The following PRKCE variants were observed in gnomAD, a reference collection of about 807,000 sequenced individuals.
PRKCE encodes the protein protein kinase C epsilon type.
PRKCE carries 16 observed loss-of-function variants against 85.4 expected under a neutral mutation model. The ratio of observed to expected loss-of-function variants is 0.19; its 90% confidence interval spans 0.13 to 0.28. PRKCE has a LOEUF of 0.28. Ranked by LOEUF, PRKCE falls within the 10% of genes least tolerant of loss-of-function variation. The pLI is 1.00. For missense variants in PRKCE, 573 were observed against 975.2 expected (o/e 0.59, Z 5.49); for synonymous variants, 388 against 371.5 (o/e 1.04, Z -0.51).
chr2:45,978,282 A>G (rs1184613597), intron 3 of PRKCE: 1 of 152,310 alleles, frequency 6.6e-6, no homozygotes, highest in East Asian at 1.9e-4. Context: ...TGGAGCCTGA[A>G]TAGCTTCTGG....
At chr2:45,733,191 G>A (rs528843365) in intron 1 of PRKCE, among the ~76,000 whole-genome samples, 1 of 152,366 alleles carries the variant, frequency 6.6e-6, no homozygotes, top group Admixed American at 6.5e-5. Flanking sequence ...CTGACTGCAT[G>A]TGAGCTTGAT....
At chr2:45,656,907 G>T (rs1277961204) in intron 1 of PRKCE, among the ~76,000 whole-genome samples, 1 of 152,212 alleles carries the variant, frequency 6.6e-6, no homozygotes, top group Non-Finnish European at 1.5e-5. Flanking sequence ...TTTAAAGAAA[G>T]ATTTAGAATA....
At chr2:45,707,064 A>T (rs191877034) in intron 1 of PRKCE, among the ~76,000 whole-genome samples, 2 of 152,282 alleles carry the variant, frequency 1.3e-5, no homozygotes, top group Non-Finnish European at 2.9e-5. Context: ...GAATTCTGTG[A>T]TTTTATGACT....
In PRKCE at chr2:45,978,967, T is replaced by C. The variant is rs750837152; in HGVS notation, c.573-9T>C. ...ACTTTTTTTAAAAAAATGTTATTCT[T>C]CTTTTCAGGGGTGTCATAGGAAAGC... On this transcript the variant is annotated splice_polypyrimidine_tract_variant and intron_variant, in intron 3 of 14. Transcript: ENST00000306156. 3.8e-6 allele frequency: 6 copies of C among 1,598,396 alleles called. No homozygotes were observed. The highest frequency in any genetic ancestry group is 5.1e-6 in the Non-Finnish European group (6 of 1,179,410).
In PRKCE at chr2:45,984,670, G is replaced by T; in HGVS notation, c.813G>T (p.Leu271Phe). Residue 271 changes from leucine to phenylalanine, a missense_variant, in exon 6 of 15, where the codon TTG becomes TTT. Coordinates refer to ENST00000306156, the MANE Select transcript of PRKCE (RefSeq NM_005400.3). ...SLLWGLLRQG[L>F]QCKVCKMNVH... is the part of the protein sequence containing the mutation. ...TCTGGGGACTCTTGCGGCAGGGTTT[G>T]CAGTGTAAAGGTAAGTTGCTCCCTG... The T allele has an allele frequency of 1.3e-6, 2 of 1,599,284 alleles. No individual in the cohort carries two copies. The highest frequency in any genetic ancestry group is 1.7e-6 in the Non-Finnish European group (2 of 1,179,640).
At chr2:45,853,295 G>T (rs1404060594) in intron 2 of PRKCE, among the ~76,000 whole-genome samples, 3 of 152,140 alleles carry the variant, frequency 2.0e-5, no homozygotes, top group Admixed American at 2.0e-4. Context: ...GGTCAAAATG[G>T]ACAACATCAG....
chr2:45,863,490 C>T (rs1409661173), intron 2 of PRKCE, among the ~76,000 whole-genome samples: 4 of 152,214 alleles, frequency 2.6e-5, no homozygotes, highest in Middle Eastern at 3.4e-3. Flanking sequence ...CCTGCCTTCC[C>T]TCCCTCCCTT....
At chr2:45,793,816 A>T (rs1342350271) in intron 1 of PRKCE, among the ~76,000 whole-genome samples, 1 of 152,220 alleles carries the variant, frequency 6.6e-6, no homozygotes, top group Non-Finnish European at 1.5e-5. Flanking sequence ...TGTCAAGGAC[A>T]AGGACAGGGT....
intron 1 of PRKCE, among the ~76,000 whole-genome samples, chr2:45,693,158 G>A (rs993999180): frequency 1.3e-5 from 2 of 152,092 alleles, no homozygotes; most frequent in African/African-American, 4.8e-5. Flanking sequence ...ATGGGTGGGT[G>A]GGAGAAGGTC....
chr2:45,943,109 G>A (rs545847754), intron 2 of PRKCE, among the ~76,000 whole-genome samples: 23 of 152,146 alleles, frequency 1.5e-4, no homozygotes, highest in Admixed American at 3.9e-4. Flanking sequence ...ATTGTATCTC[G>A]GCGCTAGGAT....
intron 14 of PRKCE, among the ~76,000 whole-genome samples, chr2:46,170,236 G>C (rs954471120): frequency 1.3e-5 from 2 of 152,180 alleles, no homozygotes; most frequent in African/African-American, 4.8e-5. Context: ...TCTGCTTTCT[G>C]TCACTGGAGA....
chr2:45,970,207 C>T (rs1306948685), intron 2 of PRKCE, among the ~76,000 whole-genome samples: 1 of 151,994 alleles, frequency 6.6e-6, no homozygotes, highest in Non-Finnish European at 1.5e-5. Flanking sequence ...GTAGACTTGC[C>T]AATAATGGAT....
chr2:45,834,165 C>T (rs769362664), intron 1 of PRKCE, among the ~76,000 whole-genome samples: 2 of 152,158 alleles, frequency 1.3e-5, no homozygotes, highest in African/African-American at 2.4e-5. Flanking sequence ...AGATCTGTAA[C>T]GTGGGCCTCT....
chr2:46,027,639 A>G (rs1238711314), intron 10 of PRKCE, among the ~76,000 whole-genome samples: 1 of 152,258 alleles, frequency 6.6e-6, no homozygotes, highest in African/African-American at 2.4e-5. Context: ...TTAAATGATG[A>G]CATGCTCTCC....
chr2:45,913,523 A>G (rs1697532276), intron 2 of PRKCE, among the ~76,000 whole-genome samples: 1 of 152,164 alleles, frequency 6.6e-6, no homozygotes, highest in African/African-American at 2.4e-5. Flanking sequence ...CTTGGATTAA[A>G]TGACTCTTAG....
chr2:45,742,787 G>T (rs1272882547), intron 1 of PRKCE, among the ~76,000 whole-genome samples: 6 of 152,182 alleles, frequency 3.9e-5, no homozygotes, highest in Non-Finnish European at 5.9e-5. Context: ...GCACTTCTGG[G>T]TGTGTATCCA....
chr2:46,012,600 G>T (rs1705779160), intron 10 of PRKCE, among the ~76,000 whole-genome samples: 1 of 152,164 alleles, frequency 6.6e-6, no homozygotes, highest in African/African-American at 2.4e-5. Context: ...AGCCACTCTG[G>T]CAAGTTTTCT....
intron 1 of PRKCE, among the ~76,000 whole-genome samples, chr2:45,739,930 A>G (rs191383981): frequency 4.4e-4 from 67 of 152,370 alleles, no homozygotes; most frequent in African/African-American, 1.4e-3. Flanking sequence ...ATGAGCATCA[A>G]TACTGTAGCT....
intron 1 of PRKCE, among the ~76,000 whole-genome samples, chr2:45,655,415 G>A (rs1371538746): frequency 6.6e-6 from 1 of 151,546 alleles, no homozygotes; most frequent in Non-Finnish European, 1.5e-5. Context: ...TGTGGCCCAA[G>A]ACAATTCTTC....
Sources: allele counts gnomAD v4.1 joint callset (sites outside exome capture counted in the v4.1 genomes callset), GRCh38; gene constraint gnomAD v4.1.1; transcripts MANE v1.5; gene names NCBI Gene and HGNC (gene_info 2026-07-23, HGNC 2026-07-21).